TBCB: variants seen among roughly 807,000 people sequenced by gnomAD.
The protein encoded by TBCB is tubulin-folding cofactor B.
TBCB carries 18 observed loss-of-function variants against 29.2 expected under a neutral mutation model. The observed-to-expected ratio is 0.62, with a 90% CI of 0.43 to 0.91. TBCB has a LOEUF of 0.91. Among genes scored for constraint, TBCB ranks in the 40% least tolerant of loss-of-function variants. The pLI is 0.00. For synonymous variants in TBCB, 172 were observed against 137.8 expected, an observed-to-expected ratio of 1.25 and a Z score of -1.74; for missense variants, 336 against 337.6, an observed-to-expected ratio of 1.00 and a Z score of 0.04.
rs778026150 is a variant in TBCB at position 36,121,539 on chromosome 19, C to G, written c.368C>G (p.Ser123Cys). ...AYDQRQDTVR[S>C]FLKRSKLGRY... ...CCTCTGCCCACAGACACGGTCCGCTCTTTCCTGAAGCGCAGCAAGCTCGGC... is the reference window on the plus strand; with the variant it reads ...CCTCTGCCCACAGACACGGTCCGCTGTTTCCTGAAGCGCAGCAAGCTCGGC... The change falls in exon 4 of 6, where the codon TCT becomes TGT. Residue 123 changes from serine to cysteine, a missense_variant. By Grantham distance (112) the Ser-to-Cys change is moderately radical. Transcript: ENST00000221855. 85 of 1,558,898 alleles carry G rather than the reference C, an allele frequency of 5.5e-5. No homozygotes were observed. The Admixed American group carries it at 1.5e-3, about 27-fold the overall frequency.
At chr19:36,116,240 A>G in intron 2 of TBCB, 56 bp downstream of exon 2, 3 of 1,596,610 alleles carry the variant, frequency 1.9e-6, no homozygotes, top group Non-Finnish European at 2.6e-6. Context: ...TGGTTATTCA[A>G]CAGACACTTG....
Position 36,121,428 on chromosome 19 carries a change from G to A in TBCB, c.356-99G>A, listed in dbSNP as rs895219039. On this transcript the variant is annotated intron_variant, in intron 3 of 5. Transcript: ENST00000221855. ...GGTGACAGCCCTTTGTCACCTGGAA[G>A]AGAGAGTTCCTCCGTGAACGTGGGC... 1.7e-5 allele frequency: 23 copies of A among 1,390,618 alleles called. No homozygotes were observed. In the Middle Eastern group the frequency reaches 1.5e-3, roughly 92 times the overall value. The allele number at this position is 1,390,618 out of a possible 1,614,324, so 86.1% of individuals were successfully genotyped here. A position where few individuals can be genotyped will look rare whatever the true frequency, so the allele number is the denominator to read the frequency against.
At chr19:36,115,875 A>T in intron 1 of TBCB, 166 bp from the exon 2 acceptor site, 1 of 1,190,726 alleles carries the variant, frequency 8.4e-7, no homozygotes, top group East Asian at 2.4e-5. Context: ...TCCAGCGAAA[A>T]ATCCGACGGT....
At chr19:36,119,752 G>A (rs1250360846) in intron 2 of TBCB, among the ~76,000 whole-genome samples, 1 of 152,074 alleles carries the variant, frequency 6.6e-6, no homozygotes, top group Non-Finnish European at 1.5e-5. Context: ...AATTAGCCGG[G>A]TGTGGTGGTG....
At chr19:36,124,217 C>G (rs905112446) in intron 4 of TBCB, among the ~76,000 whole-genome samples, 2 of 152,110 alleles carry the variant, frequency 1.3e-5, no homozygotes, top group African/African-American at 4.8e-5. Context: ...AATGTCTATT[C>G]AGATCCTTTG....
intron 2 of TBCB, chr19:36,116,533 C>G (rs1363850548): frequency 4.8e-6 from 1 of 210,228 alleles, no homozygotes; most frequent in African/African-American, 2.3e-5. Context: ...GTACAGAGGC[C>G]TAGAATGTGA....
chr19:36,124,662 G>A (rs1375444172), intron 4 of TBCB, among the ~76,000 whole-genome samples: 1 of 152,128 alleles, frequency 6.6e-6, no homozygotes, highest in Non-Finnish European at 1.5e-5. Flanking sequence ...TCCTGCCTCA[G>A]CCTCCCGAGT....
intron 4 of TBCB, 136 bp downstream of exon 4, chr19:36,121,854 C>G: frequency 8.8e-7 from 1 of 1,142,672 alleles, no homozygotes; most frequent in Non-Finnish European, 1.2e-6. Flanking sequence ...CGATCTCAGT[C>G]CCTGGAGGTG....
chr19:36,117,404 G>C lies in TBCB; in HGVS notation c.258+1220G>C, dbSNP rs571479055. 2.0e-5 allele frequency among the ~76,000 whole-genome samples: 3 copies of C among 152,304 alleles called. No homozygotes were observed. The East Asian group carries it at 5.8e-4, about 29-fold the overall frequency. ...TTGTTCCCCAGGCCGGAATGCAGTGGTGTGATCTCAGCTCACTGCAACCTC... is the reference window on the plus strand; with the variant it reads ...TTGTTCCCCAGGCCGGAATGCAGTGCTGTGATCTCAGCTCACTGCAACCTC... On this transcript the variant is annotated intron_variant, in intron 2 of 5. Coordinates refer to ENST00000221855, the MANE Select transcript of TBCB (RefSeq NM_001281.3).
At chr19:36,121,199 GT>G (rs11310846) in intron 3 of TBCB, among the ~76,000 whole-genome samples, 137,123 of 148,914 alleles carry the variant, frequency 0.92, 63,197 homozygotes, top group East Asian at 1. Flanking sequence ...CGGATCGAGT[GT>G]TGGGGGAGAC....
intron 3 of TBCB, among the ~76,000 whole-genome samples, chr19:36,121,270 C>T (rs1484200191): frequency 1.3e-5 from 2 of 151,720 alleles, no homozygotes; most frequent in African/African-American, 4.8e-5. Flanking sequence ...GGCAGATGTG[C>T]GCTGAAGGGG....
intron 1 of TBCB, 112 bp from the exon 2 acceptor site, chr19:36,115,929 G>C (rs527882913): frequency 1.3e-4 from 197 of 1,474,476 alleles, no homozygotes; most frequent in Middle Eastern, 6.7e-4. Context: ...TTGCGGCCCC[G>C]TGCGTCCTGA....
intron 4 of TBCB, 118 bp downstream of exon 4, chr19:36,121,836 A>C: frequency 7.8e-7 from 1 of 1,286,888 alleles, no homozygotes. Context: ...GTTGGGGGGG[A>C]CTCGAAACGA....
At chr19:36,120,611 A>T (rs2145908343) in intron 2 of TBCB, 99 bp from the exon 3 acceptor site, 1 of 951,132 alleles carries the variant, frequency 1.1e-6, no homozygotes, top group African/African-American at 1.6e-5. Context: ...AGGGAGGGAG[A>T]TGCGTTTTTC....
intron 4 of TBCB, chr19:36,122,174 G>A (rs1974066532): frequency 3.8e-6 from 1 of 260,688 alleles, no homozygotes; most frequent in South Asian, 3.6e-5. Flanking sequence ...GCGGGTGCAG[G>A]TGAGCAGAGC....
rs1416683872 is a variant in TBCB at position 36,120,735 on chromosome 19, T to G, written c.284T>G (p.Leu95Arg). ...IHVIDHSGAR[L>R]GEYEDVSRVE... The stretch of plus-strand genomic sequence containing the variant: ...GTCATTGACCACAGTGGCGCCCGCC[T>G]TGGTGAGTATGAGGACGTGTCCCGG... Residue 95 changes from leucine to arginine, a missense_variant, in exon 3 of 6, where the codon CTT becomes CGT. Transcript: ENST00000221855. 6.2e-7 allele frequency: 1 copy of G among 1,614,044 alleles called. No homozygotes were observed. Among genetic ancestry groups the G allele is most frequent in the South Asian group, 1.1e-5 (1 of 91,078 alleles).
chr19:36,119,421 C>T (rs1373511661), intron 2 of TBCB, among the ~76,000 whole-genome samples: 2 of 152,174 alleles, frequency 1.3e-5, no homozygotes, highest in East Asian at 3.9e-4. Flanking sequence ...CCTACAAAAA[C>T]TTCCCTGACC....
chr19:36,125,441 C>G lies in TBCB; in HGVS notation c.548-10C>G. On this transcript the variant is annotated splice_polypyrimidine_tract_variant and intron_variant, in intron 4 of 5. Coordinates refer to ENST00000221855, the MANE Select transcript of TBCB (RefSeq NM_001281.3). ...CAGAAGCTTCACAGGGATTTCTCTT[C>G]TGTTGGCAGGTCTCACAGATTTCAA... The G allele has an allele frequency of 2.5e-6, 4 of 1,614,192 alleles. No homozygotes were observed. The highest frequency in any genetic ancestry group is 3.4e-6 in the Non-Finnish European group (4 of 1,179,988).
rs557784888 is a variant in TBCB, at chr19:36,120,917, G to T, written c.355+111G>T. On this transcript the variant is annotated intron_variant, in intron 3 of 5. Coordinates refer to ENST00000221855, the MANE Select transcript of TBCB (RefSeq NM_001281.3). ...TGCAGGGAGGCCAGTGGTGTAGACG[G>T]GGGGCCGAGAGCTTGGGAGGATATA... 1.1e-4 allele frequency: 114 copies of T among 1,001,580 alleles called. No homozygotes were observed. The East Asian group carries it at 2.9e-3, about 25-fold the overall frequency. The allele number at this position is 1,001,580 out of a possible 1,614,324, so 62.0% of individuals were successfully genotyped here. A position where few individuals can be genotyped will look rare whatever the true frequency, so the allele number is the denominator to read the frequency against.
Sources: gnomAD v4.1 joint callset for allele counts (sites outside exome capture counted in the v4.1 genomes callset) on GRCh38, gnomAD v4.1.1 for gene constraint, MANE v1.5 for transcripts, NCBI Gene and HGNC (gene_info 2026-07-23, HGNC 2026-07-21) for gene names.